CDKL3: variants seen among roughly 807,000 people sequenced by gnomAD.
CDKL3 encodes the protein cyclin-dependent kinase-like 3.
Under a neutral mutation model 69.3 loss-of-function variants are expected in CDKL3, and 65 were observed. The ratio of observed to expected loss-of-function variants is 0.94; its 90% CI spans 0.77 to 1.15. The LOEUF (loss-of-function observed/expected upper bound fraction) is 1.15. CDKL3 is among the 50% of genes most tolerant of loss of function. The pLI is 0.00. For missense variants in CDKL3, 652 were observed against 689.2 expected (o/e 0.95, Z 0.61); for synonymous variants, 202 against 221.6 (o/e 0.91, Z 0.79).
At chr5:134,357,181 C>G (rs1233915688) in intron 3 of CDKL3, among the ~76,000 whole-genome samples, 1 of 152,108 alleles carries the variant, frequency 6.6e-6, no homozygotes, top group Admixed American at 6.6e-5. Flanking sequence ...CGCGGTGGCT[C>G]ACGCCTGTAA....
chr5:134,294,910 A>T (rs954490521), downstream of CDKL3, among the ~76,000 whole-genome samples: 4 of 152,048 alleles, frequency 2.6e-5, no homozygotes, highest in East Asian at 7.7e-4. Flanking sequence ...GATGTATCAG[A>T]TTGCTACAGA....
At chr5:134,358,142 G>C (rs1755060041) in intron 3 of CDKL3, among the ~76,000 whole-genome samples, 2 of 152,164 alleles carry the variant, frequency 1.3e-5, no homozygotes, top group Admixed American at 1.3e-4. Flanking sequence ...TCAGGAAAGA[G>C]TCCACCCTCC....
At position 134,350,408 on chromosome 5, in the gene CDKL3, T is replaced by G. The variant is rs770881202; in HGVS notation, c.380A>C (p.Lys127Thr). 7.7e-6 allele frequency: 12 copies of G among 1,560,370 alleles called. No homozygotes were observed. Among genetic ancestry groups the G allele is most frequent in the Non-Finnish European group, 9.6e-6 (11 of 1,150,944 alleles). Reference sequence around the variant, plus strand: ...CTGGGATACTAAAATATTCTCAGGTTTTATATCTCGATGAATGATCTAAAA... The same window carrying G: ...CTGGGATACTAAAATATTCTCAGGTGTTATATCTCGATGAATGATCTAAAA... ...HSNNIIHRDI[K>T]PENILVSQSG... Residue 127 changes from lysine (K) to threonine (T), a missense_variant, in exon 4 of 13, where the codon AAA becomes ACA. Transcript: ENST00000265334.
intron 12 of CDKL3, chr5:134,299,456 T>C: frequency 8.8e-7 from 1 of 1,136,766 alleles, no homozygotes; most frequent in Non-Finnish European, 1.1e-6. Context: ...GCAATTTTAT[T>C]AGGATGTACC....
chr5:134,339,806 A>G (rs1048206087), intron 4 of CDKL3, among the ~76,000 whole-genome samples: 7 of 152,212 alleles, frequency 4.6e-5, no homozygotes, highest in African/African-American at 1.7e-4. Flanking sequence ...ATTAAACTAC[A>G]TTTGACGAAA....
Position 134,304,399 on chromosome 5 carries a change from G to A in CDKL3, c.1621+6C>T. The A allele has an allele frequency of 6.2e-7, 1 of 1,600,344 alleles. No homozygotes were observed. ...ATAATTGTAAAGCTATGCAACAAAT[G>A]TGTACCTTCCATTCCTTTTGTATCT... On this transcript the variant is annotated splice_donor_region_variant and intron_variant, in intron 11 of 12. Coordinates refer to ENST00000265334, the MANE Select transcript of CDKL3 (RefSeq NM_001113575.2).
At position 134,321,810 on chromosome 5, in the gene CDKL3, A is replaced by G; in HGVS notation, c.633T>C (p.His211=). 6.3e-7 allele frequency: 1 copy of G among 1,599,000 alleles called. No individual in the cohort carries two copies. The highest frequency in any genetic ancestry group is 1.1e-5 in the South Asian group (1 of 89,852). ...ACCTACCCACTTTCAAAACAATTTT[A>G]TGGAGTAAATCCAAATCAGAACTAC... ...LPSSSDLDLL[H]KIVLKVGNLS... Residue 211 remains histidine, a synonymous_variant, in exon 5 of 13, where the codon CAT becomes CAC. Coordinates refer to ENST00000265334, the MANE Select transcript of CDKL3 (RefSeq NM_001113575.2).
chr5:134,343,412 T>C (rs1751024639), intron 4 of CDKL3, among the ~76,000 whole-genome samples: 1 of 152,230 alleles, frequency 6.6e-6, no homozygotes, highest in East Asian at 1.9e-4. Context: ...TAGGCTGGAC[T>C]AACTTCAGGA....
downstream of CDKL3, among the ~76,000 whole-genome samples, chr5:134,296,137 T>C (rs1765337508): frequency 6.6e-6 from 1 of 152,154 alleles, no homozygotes; most frequent in African/African-American, 2.4e-5. Flanking sequence ...GACCTCGTGA[T>C]CTGCCTGCCT....
intron 4 of CDKL3, among the ~76,000 whole-genome samples, chr5:134,344,092 T>C (rs1388434061): frequency 6.6e-6 from 1 of 152,174 alleles, no homozygotes. Context: ...AACAACTGGA[T>C]AGCCAAATGC....
chr5:134,299,167 C>T (rs1405088148), intron 12 of CDKL3, among the ~76,000 whole-genome samples: 3 of 152,144 alleles, frequency 2.0e-5, no homozygotes, highest in Non-Finnish European at 4.4e-5. Flanking sequence ...CCACCATGCC[C>T]GACCAATTTC....
At chr5:134,289,473 A>G (rs940332395) in intron 8 of CDKL3, among the ~76,000 whole-genome samples, 1 of 152,226 alleles carries the variant, frequency 6.6e-6, no homozygotes, top group Non-Finnish European at 1.5e-5. Flanking sequence ...GATGCCCAAG[A>G]GTAAATGTTG....
intron 3 of CDKL3, among the ~76,000 whole-genome samples, chr5:134,351,372 C>T (rs1012175277): frequency 2.0e-5 from 3 of 152,132 alleles, no homozygotes; most frequent in Non-Finnish European, 4.4e-5. Flanking sequence ...GGGCTTCTCC[C>T]CACTTACTGG....
intron 4 of CDKL3, among the ~76,000 whole-genome samples, chr5:134,335,915 T>C (rs546615278): frequency 8.6e-4 from 131 of 152,302 alleles, no homozygotes; most frequent in African/African-American, 2.8e-3. Flanking sequence ...CTGAAGAGTG[T>C]TTTCTAACTT....
chr5:134,325,824 C>T (rs1392163398), intron 4 of CDKL3, among the ~76,000 whole-genome samples: 3 of 151,382 alleles, frequency 2.0e-5, no homozygotes, highest in East Asian at 1.9e-4. Context: ...AGTGCAGTGG[C>T]GCGATCTCGG....
At chr5:134,301,337 G>A (rs1291184275) in intron 12 of CDKL3, among the ~76,000 whole-genome samples, 1 of 152,154 alleles carries the variant, frequency 6.6e-6, no homozygotes, top group Non-Finnish European at 1.5e-5. Context: ...TCTCTGCAAA[G>A]TGGACTGTGG....
intron 4 of CDKL3, among the ~76,000 whole-genome samples, chr5:134,326,146 A>G (rs1161878238): frequency 6.6e-6 from 1 of 152,068 alleles, no homozygotes; most frequent in African/African-American, 2.4e-5. Context: ...CAAAAGAGAC[A>G]CTAAAAATAT....
At chr5:134,341,522 C>T (rs1168675186) in intron 4 of CDKL3, among the ~76,000 whole-genome samples, 1 of 152,218 alleles carries the variant, frequency 6.6e-6, no homozygotes, top group Non-Finnish European at 1.5e-5. Flanking sequence ...ATTATTTAGG[C>T]AGGCAGTGAG....
At chr5:134,364,107 C>G (rs953372630) in intron 2 of CDKL3, among the ~76,000 whole-genome samples, 3 of 152,012 alleles carry the variant, frequency 2.0e-5, no homozygotes, top group East Asian at 1.9e-4. Context: ...TATACTATAT[C>G]GTCAAGATCA....
Sources: gnomAD v4.1 joint callset for allele counts (sites outside exome capture counted in the v4.1 genomes callset) on GRCh38, gnomAD v4.1.1 for gene constraint, MANE v1.5 for transcripts, NCBI Gene and HGNC (gene_info 2026-07-23, HGNC 2026-07-21) for gene names.